RABGAP1L: variants seen among roughly 807,000 people sequenced by gnomAD.
RABGAP1L encodes the protein rab GTPase-activating protein 1-like.
A neutral mutation model predicts 137.7 loss-of-function variants in RABGAP1L; 63 were observed. That is an observed-to-expected ratio of 0.46 (90% CI 0.37 to 0.56). The LOEUF (loss-of-function observed/expected upper bound fraction) is 0.56. Among genes scored for constraint, RABGAP1L ranks in the 20% least tolerant of loss-of-function variants. The pLI is 0.00. For synonymous variants in RABGAP1L, 431 were observed against 433.7 expected, an observed-to-expected ratio of 0.99 and a Z score of 0.08; for missense variants, 1,095 against 1,244.0, an observed-to-expected ratio of 0.88 and a Z score of 1.80.
intron 22 of RABGAP1L, among the ~76,000 whole-genome samples, 168 bp downstream of exon 22, chr1:174,976,350 A>AT (rs921300295): frequency 2.5e-4 from 38 of 150,096 alleles, no homozygotes; most frequent in African/African-American, 6.1e-4. Context: ...CATTTCTGAC[A>AT]TTTTTTTTTT....
intron 19 of RABGAP1L, among the ~76,000 whole-genome samples, chr1:174,835,185 A>G (rs1462504195): frequency 1.3e-5 from 2 of 152,200 alleles, no homozygotes. Context: ...TGCTTGTCCA[A>G]AAGTCTTTTT....
intron 19 of RABGAP1L, among the ~76,000 whole-genome samples, chr1:174,870,928 A>G (rs968000818): frequency 2.0e-5 from 3 of 151,804 alleles, no homozygotes; most frequent in African/African-American, 7.3e-5. Flanking sequence ...TTTAGTAGAG[A>G]TGGGGTTTCA....
rs1691819101 is a variant in RABGAP1L at position 174,828,611 on chromosome 1, A to T, written c.2340+16651A>T. On this transcript the variant is annotated intron_variant, in intron 19 of 25. Transcript: ENST00000681986. ...CGAGTATGAGTTTCCTCATCGTGAAACAAGGCTAATACCTACTGCACAGAG... is the reference window on the plus strand; with the variant it reads ...CGAGTATGAGTTTCCTCATCGTGAATCAAGGCTAATACCTACTGCACAGAG... Among the ~76,000 whole-genome samples, 5 of 148,602 alleles carry T rather than the reference A, an allele frequency of 3.4e-5. 1 individual carries two copies. The highest frequency in any genetic ancestry group is 2.0e-4 in the Admixed American group (3 of 14,866).
chr1:174,187,341 G>T lies in RABGAP1L; in HGVS notation c.-34+27684G>T, dbSNP rs147399214. On this transcript the variant is annotated intron_variant, in intron 1 of 25. Coordinates refer to ENST00000681986, the MANE Select transcript of RABGAP1L (RefSeq NM_001366446.1). The stretch of plus-strand genomic sequence containing the variant: ...TTACAAGACTGAAGCCTCTGTGAAG[G>T]CAAGGGCCATCCATATATATTGGGT... Among the ~76,000 whole-genome samples the T allele has an allele frequency of 6.9e-3, 1,054 of 152,112 alleles. 9 individuals carry two copies. Among genetic ancestry groups the T allele is most frequent in the African/African-American group, 0.024 (976 of 41,520 alleles).
At chr1:174,191,714 C>T (rs1667223738) in intron 1 of RABGAP1L, among the ~76,000 whole-genome samples, 1 of 152,174 alleles carries the variant, frequency 6.6e-6, no homozygotes, top group African/African-American at 2.4e-5. Context: ...ATGCTTTAAT[C>T]AGCTTGCTTA....
chr1:174,237,739 A>T (rs1241850668), intron 4 of RABGAP1L, among the ~76,000 whole-genome samples: 1 of 120,312 alleles, frequency 8.3e-6, no homozygotes, highest in African/African-American at 3.4e-5. Flanking sequence ...GAATCTGACA[A>T]TTATGTGTCT....
chr1:174,212,427 A>T (rs1668967554), intron 1 of RABGAP1L, among the ~76,000 whole-genome samples: 1 of 152,062 alleles, frequency 6.6e-6, no homozygotes, highest in African/African-American at 2.4e-5. Context: ...ATTAAACAAC[A>T]TGCTCCTGAA....
At chr1:174,380,130 G>A (rs1685986913) in intron 12 of RABGAP1L, among the ~76,000 whole-genome samples, 1 of 151,524 alleles carries the variant, frequency 6.6e-6, no homozygotes. Context: ...GCATCCCAGG[G>A]TTGAAGCCCA....
At chr1:174,910,026 C>G (rs1331146916) in intron 19 of RABGAP1L, among the ~76,000 whole-genome samples, 1 of 152,112 alleles carries the variant, frequency 6.6e-6, no homozygotes, top group East Asian at 1.9e-4. Flanking sequence ...GTAGTCCCAG[C>G]TACTTGGGAG....
At chr1:174,807,550 C>T (rs2148844848) in intron 18 of RABGAP1L, among the ~76,000 whole-genome samples, 1 of 152,214 alleles carries the variant, frequency 6.6e-6, no homozygotes, top group Non-Finnish European at 1.5e-5. Flanking sequence ...TATGGCATTA[C>T]AAAGGCATTT....
At chr1:174,610,554 C>A (rs1049550672) in intron 13 of RABGAP1L, among the ~76,000 whole-genome samples, 14 of 152,022 alleles carry the variant, frequency 9.2e-5, no homozygotes, top group East Asian at 3.8e-4. Context: ...ATTTATAGTC[C>A]TTTGGGTATA....
intron 13 of RABGAP1L, 34 bp from the exon 14 acceptor site, chr1:174,637,341 T>C: frequency 1.4e-6 from 2 of 1,463,278 alleles, no homozygotes; most frequent in South Asian, 2.4e-5. Context: ...TGGGAAAAAA[T>C]TTAATAACCA....
chr1:174,672,888 T>A (rs555449390), intron 14 of RABGAP1L, among the ~76,000 whole-genome samples: 37 of 152,300 alleles, frequency 2.4e-4, no homozygotes, highest in African/African-American at 8.7e-4. Context: ...TACTTATCAT[T>A]CATGTAACAT....
chr1:174,989,975 AC>A lies in RABGAP1L; in HGVS notation c.3133del (p.Gln1045SerfsTer34). The A allele has an allele frequency of 6.5e-7, 1 of 1,547,494 alleles. No homozygotes were observed. The highest frequency in any genetic ancestry group is 8.7e-7 in the Non-Finnish European group (1 of 1,144,084). On this transcript the variant is annotated frameshift_variant, in exon 26 of 26. Transcript: ENST00000681986. LOFTEE classifies it high-confidence loss of function. ...CCAGCCATTGCAGCCAGCACCGGTC[AC>A]CCAGCCACCCAAGGAGAGCACATAG... ...GTQPLQPAPV[T>X]QPPKEST
chr1:174,664,734 CT>C (rs71701825), intron 14 of RABGAP1L, among the ~76,000 whole-genome samples: 9,274 of 97,358 alleles, frequency 0.095, 230 homozygotes, highest in East Asian at 0.22. Context: ...TTTCTGCTTT[CT>C]TTTTTTTTTT....
intron 13 of RABGAP1L, chr1:174,547,946 G>C (rs1378994732): frequency 6.5e-7 from 1 of 1,550,022 alleles, no homozygotes; most frequent in African/African-American, 1.4e-5. Context: ...TTTGACATTA[G>C]ACTTGATGTT....
chr1:174,473,169 A>G (rs963855207), intron 13 of RABGAP1L, among the ~76,000 whole-genome samples: 1 of 152,196 alleles, frequency 6.6e-6, no homozygotes, highest in Non-Finnish European at 1.5e-5. Flanking sequence ...ATTTTAGGTT[A>G]TATTCTCCTG....
chr1:174,537,802 A>T (rs1017101589), intron 13 of RABGAP1L, among the ~76,000 whole-genome samples: 1 of 152,158 alleles, frequency 6.6e-6, no homozygotes, highest in African/African-American at 2.4e-5. Flanking sequence ...AAAAAGTTAT[A>T]ATTTTTTTCA....
rs1664456051 is a variant in RABGAP1L, at chr1:174,532,072, G to A, written c.1711-105303G>A. Among the ~76,000 whole-genome samples the A allele has an allele frequency of 2.0e-5, 3 of 152,080 alleles. No homozygotes were observed. The South Asian group carries it at 6.2e-4, about 32-fold the overall frequency. On this transcript the variant is annotated intron_variant, in intron 13 of 25. Coordinates refer to ENST00000681986, the MANE Select transcript of RABGAP1L (RefSeq NM_001366446.1). ...TAAGATATAGAAATTAGAAAATCTA[G>A]TATGAGTAAGAGAGGTGAAAGGAAC...
Sources: gnomAD v4.1 joint callset for allele counts (sites outside exome capture counted in the v4.1 genomes callset) on GRCh38, gnomAD v4.1.1 for gene constraint, MANE v1.5 for transcripts, NCBI Gene and HGNC (gene_info 2026-07-23, HGNC 2026-07-21) for gene names.